CYP2C18: variants seen among roughly 807,000 people sequenced by gnomAD.
CYP2C18 encodes cytochrome P450 family 2 subfamily C member 18, also known as cytochrome P450 2C18.
CYP2C18 carries 38 observed loss-of-function variants against 41.3 expected under a neutral mutation model. The observed-to-expected ratio is 0.92, with a 90% CI of 0.71 to 1.21. The LOEUF is 1.21. Among genes scored for constraint, CYP2C18 ranks in the 50% most tolerant of loss-of-function variants. The probability of loss-of-function intolerance (pLI) is 0.00; values close to 1 mark genes in which losing one functional copy is unlikely to be tolerated. For missense variants in CYP2C18, 635 were observed against 591.4 expected (o/e 1.07, Z -0.77); for synonymous variants, 236 against 210.0 (o/e 1.12, Z -1.07).
chr10:94,714,416 A>G (rs1182523569), intron 5 of CYP2C18, among the ~76,000 whole-genome samples: 11 of 152,124 alleles, frequency 7.2e-5, no homozygotes, highest in Non-Finnish European at 1.5e-4. Context: ...TTTTCCCAGT[A>G]CCATTTATTA....
At chr10:94,720,697 G>A (rs1847632385) in intron 6 of CYP2C18, among the ~76,000 whole-genome samples, 160 bp downstream of exon 6, 1 of 152,164 alleles carries the variant, frequency 6.6e-6, no homozygotes, top group Non-Finnish European at 1.5e-5. Flanking sequence ...ATAAGAATGA[G>A]ACAAATTTGC....
chr10:94,732,332 C>G (rs948942960), intron 7 of CYP2C18, among the ~76,000 whole-genome samples: 2 of 151,694 alleles, frequency 1.3e-5, no homozygotes, highest in Admixed American at 6.6e-5. Context: ...TGCATGATGG[C>G]AAGGCTGTGG....
rs763895663 is a variant in CYP2C18 at position 94,724,348 on chromosome 10, A to G, written c.964A>G (p.Lys322Glu). Residue 322 changes from lysine to glutamate, a missense_variant and splice_region_variant, in exon 7 of 9, where the codon AAA becomes GAA. Coordinates refer to ENST00000285979, the MANE Select transcript of CYP2C18 (RefSeq NM_000772.3). ...ATTTCTTACTTGTGTCTTATCAGCT[A>G]AAGTCCAGGAAGAGATTGAATGTGT... ...LLLKYPEVTA[K>E]VQEEIECVVG... The G allele has an allele frequency of 1.4e-5, 23 of 1,612,978 alleles. No homozygotes were observed. Among genetic ancestry groups the G allele is most frequent in the East Asian group, 2.2e-5 (1 of 44,848 alleles).
At chr10:94,687,731 G>A (rs752524484) in intron 1 of CYP2C18, 39 bp from the exon 2 acceptor site, 1 of 1,565,910 alleles carries the variant, frequency 6.4e-7, no homozygotes, top group South Asian at 1.2e-5. Context: ...ACCAAATACT[G>A]AGTTTTGCTA....
chr10:94,697,678 A>C (rs1463772422), intron 4 of CYP2C18, among the ~76,000 whole-genome samples: 4 of 152,232 alleles, frequency 2.6e-5, no homozygotes, highest in Non-Finnish European at 5.9e-5. Context: ...TAAAAGACAC[A>C]GACTGGCAAA....
chr10:94,725,167 C>G (rs1379704643), intron 7 of CYP2C18, among the ~76,000 whole-genome samples: 2 of 150,438 alleles, frequency 1.3e-5, no homozygotes, highest in Non-Finnish European at 3.0e-5. Context: ...GATTGATCTT[C>G]TGGGCTCAAG....
chr10:94,735,547 C>A lies in CYP2C18; in HGVS notation c.*103C>A. The A allele has an allele frequency of 1.7e-6, 2 of 1,144,664 alleles. No homozygotes were observed. The highest frequency in any genetic ancestry group is 1.4e-5 in the South Asian group (1 of 71,712). 70.9% of individuals were successfully genotyped at this position (1,144,664 alleles called of 1,614,324 possible). ...TCTCTGTGAGGGATATTTTCTCTGA[C>A]TTGTCAATCCACATCTTCCCATTCC... On this transcript the variant is annotated 3_prime_UTR_variant, in exon 9 of 9. Coordinates refer to ENST00000285979, the MANE Select transcript of CYP2C18 (RefSeq NM_000772.3).
At chr10:94,690,757 A>G (rs916248463) in intron 3 of CYP2C18, among the ~76,000 whole-genome samples, 4 of 152,220 alleles carry the variant, frequency 2.6e-5, no homozygotes, top group African/African-American at 9.7e-5. Context: ...CTTGGTGAAC[A>G]TTGATGCAAA....
At chr10:94,724,560 C>T (rs1208543474) in intron 7 of CYP2C18, 27 bp downstream of exon 7, 2 of 1,593,834 alleles carry the variant, frequency 1.3e-6, no homozygotes, top group Non-Finnish European at 1.7e-6. Context: ...TACACTACAT[C>T]TCCATGCTCT....
In CYP2C18 at chr10:94,685,804, C is replaced by T. The variant is rs576593051; in HGVS notation, c.168+1817C>T. On this transcript the variant is annotated intron_variant, in intron 1 of 8. Transcript: ENST00000285979. ...AGTTTTGCTTACTATAGCTTTGTAA[C>T]ATATTTTGCAGTTCAGTGGTGTGAT... Among the ~76,000 whole-genome samples the T allele has an allele frequency of 5.9e-5, 9 of 152,194 alleles. No homozygotes were observed. The South Asian group carries it at 1.9e-3, about 32-fold the overall frequency.
At chr10:94,719,881 T>C (rs1435573846) in intron 5 of CYP2C18, among the ~76,000 whole-genome samples, 1 of 151,958 alleles carries the variant, frequency 6.6e-6, no homozygotes, top group Non-Finnish European at 1.5e-5. Context: ...GCCAAGTTTT[T>C]GATTTTTTTT....
chr10:94,701,150 C>T (rs746762276), intron 4 of CYP2C18, among the ~76,000 whole-genome samples: 1 of 152,176 alleles, frequency 6.6e-6, no homozygotes, highest in Admixed American at 6.6e-5. Flanking sequence ...AAACATGCTA[C>T]TATAAAGACA....
At position 94,728,069 on chromosome 10, in the gene CYP2C18, G is replaced by A. The variant is rs77024310; in HGVS notation, c.1149+3536G>A. On this transcript the variant is annotated intron_variant, in intron 7 of 8. Coordinates refer to ENST00000285979, the MANE Select transcript of CYP2C18 (RefSeq NM_000772.3). ...TTTTTGATGGACTTCCTGTAGTCCA[G>A]TCAAGGAACAAGCTTTTAATTTGGT... Among the ~76,000 whole-genome samples, 15 of 152,154 alleles carry A rather than the reference G, an allele frequency of 9.9e-5. 1 individual carries two copies. Among genetic ancestry groups the A allele is most frequent in the African/African-American group, 3.6e-4 (15 of 41,528 alleles).
chr10:94,712,899 G>A (rs974258619), intron 5 of CYP2C18, among the ~76,000 whole-genome samples: 2 of 152,028 alleles, frequency 1.3e-5, no homozygotes, highest in Admixed American at 1.3e-4. Flanking sequence ...TGAGGTGATA[G>A]CTCATTGTGT....
chr10:94,733,271 T>G, intron 7 of CYP2C18, 26 bp from the exon 8 acceptor site: 1 of 1,606,054 alleles, frequency 6.2e-7, no homozygotes. Context: ...CTTTATAACT[T>G]AGTTTGTCTG....
chr10:94,730,796 A>G (rs912326748), intron 7 of CYP2C18, among the ~76,000 whole-genome samples: 1 of 152,190 alleles, frequency 6.6e-6, no homozygotes, highest in African/African-American at 2.4e-5. Flanking sequence ...CTCTTCCAAA[A>G]GGGCCTCTGG....
intron 4 of CYP2C18, among the ~76,000 whole-genome samples, chr10:94,706,492 C>G (rs910533488): frequency 2.0e-5 from 3 of 152,018 alleles, no homozygotes; most frequent in Non-Finnish European, 4.4e-5. Flanking sequence ...TATTTCAAGG[C>G]TATGGAGAAG....
Position 94,702,824 on chromosome 10 carries a change from G to C in CYP2C18, c.643-3960G>C, listed in dbSNP as rs541036590. On this transcript the variant is annotated intron_variant, in intron 4 of 8. Transcript: ENST00000285979. ...AGGAGAAGAGGCATTCTGGTTTTTG[G>C]AATTTTTAGTCTTTTTGTGCTGGTT... 5.8e-4 allele frequency among the ~76,000 whole-genome samples: 89 copies of C among 152,176 alleles called. 2 individuals carry two copies. Among genetic ancestry groups the C allele is most frequent in the Admixed American group, 4.2e-3 (64 of 15,288 alleles).
At chr10:94,694,775 A>G in intron 3 of CYP2C18, 142 bp from the exon 4 acceptor site, 1 of 873,556 alleles carries the variant, frequency 1.1e-6, no homozygotes, top group African/African-American at 1.7e-5. Context: ...ATTAAATTTC[A>G]ATATGCTGTA....
Sources: allele counts gnomAD v4.1 joint callset (sites outside exome capture counted in the v4.1 genomes callset), GRCh38; gene constraint gnomAD v4.1.1; transcripts MANE v1.5; gene names NCBI Gene and HGNC (gene_info 2026-07-23, HGNC 2026-07-21).